Variants in RABGAP1L observed in about 807,000 individuals in gnomAD.
RABGAP1L encodes the protein RAB GTPase activating protein 1 like, also known as rab GTPase-activating protein 1-like.
In RABGAP1L, 63 loss-of-function variants were observed where a neutral mutation model predicts 137.7. The ratio of observed to expected loss-of-function variants is 0.46; its 90% CI spans 0.37 to 0.56. RABGAP1L has a LOEUF of 0.56. RABGAP1L is among the 20% of genes least tolerant of loss of function. The probability of loss-of-function intolerance (pLI) is 0.00; values close to 1 mark genes in which losing one functional copy is unlikely to be tolerated. For missense variants in RABGAP1L, 1,095 were observed against 1,244.0 expected, an observed-to-expected ratio of 0.88 and a Z score of 1.80; for synonymous variants, 431 against 433.7, an observed-to-expected ratio of 0.99 and a Z score of 0.08.
chr1:174,355,412 A>G (rs979631358), intron 11 of RABGAP1L, among the ~76,000 whole-genome samples: 3 of 145,302 alleles, frequency 2.1e-5, no homozygotes, highest in Non-Finnish European at 4.5e-5. Flanking sequence ...GAATTGAACA[A>G]TGAGAACACG....
intron 11 of RABGAP1L, among the ~76,000 whole-genome samples, chr1:174,306,770 A>T (rs1572007089): frequency 6.6e-6 from 1 of 152,288 alleles, no homozygotes; most frequent in East Asian, 1.9e-4. Context: ...CTGACCTCAC[A>T]AAAAGCACAT....
chr1:174,610,956 C>T (rs932103230), intron 13 of RABGAP1L, among the ~76,000 whole-genome samples: 1 of 151,346 alleles, frequency 6.6e-6, no homozygotes, highest in African/African-American at 2.4e-5. Flanking sequence ...TGGATATTAG[C>T]CCTTTGTCAG....
At chr1:174,790,094 C>G (rs1687736587) in intron 18 of RABGAP1L, among the ~76,000 whole-genome samples, 1 of 151,668 alleles carries the variant, frequency 6.6e-6, no homozygotes, top group Non-Finnish European at 1.5e-5. Context: ...CCTGTGGTTC[C>G]AGCTGCACAG....
At chr1:174,875,851 T>A in intron 19 of RABGAP1L, 1 of 355,730 alleles carries the variant, frequency 2.8e-6, no homozygotes. Context: ...AGCAGCACTG[T>A]AGAACAAAAA....
intron 3 of RABGAP1L, among the ~76,000 whole-genome samples, chr1:174,225,169 A>G (rs1468530602): frequency 1.3e-5 from 2 of 151,426 alleles, no homozygotes; most frequent in African/African-American, 4.9e-5. Context: ...TACTTTGTTA[A>G]TCTCCATTCT....
intron 19 of RABGAP1L, among the ~76,000 whole-genome samples, chr1:174,918,738 C>T (rs898979756): frequency 2.0e-5 from 3 of 151,934 alleles, no homozygotes; most frequent in African/African-American, 7.3e-5. Context: ...AATTGTGCCA[C>T]TGCGCTTCAT....
intron 19 of RABGAP1L, among the ~76,000 whole-genome samples, chr1:174,886,840 G>T (rs993113393): frequency 1.1e-4 from 16 of 150,988 alleles, no homozygotes; most frequent in African/African-American, 3.7e-4. Context: ...TTTGAGACAG[G>T]GTCTCATTCT....
intron 13 of RABGAP1L, among the ~76,000 whole-genome samples, chr1:174,525,890 C>A (rs772495611): frequency 6.6e-6 from 1 of 152,036 alleles, no homozygotes; most frequent in Non-Finnish European, 1.5e-5. Flanking sequence ...TTGAAATGAT[C>A]GTATGGTTTT....
rs149471541 is a variant in RABGAP1L, at chr1:174,944,959, C to T, written c.2341-12498C>T. Among the ~76,000 whole-genome samples, 139 of 152,250 alleles carry T rather than the reference C, an allele frequency of 9.1e-4. 1 individual carries two copies. The highest frequency in any genetic ancestry group is 1.6e-3 in the Non-Finnish European group (111 of 68,028). On this transcript the variant is annotated intron_variant, in intron 19 of 25. Transcript: ENST00000681986. ...TTACTTTTGATCTAATTGCCAGCGA[C>T]AATTGACATAAAAGTAATGCTTCAG... is the stretch of plus-strand genomic sequence containing the variant.
At position 174,515,117 on chromosome 1, in the gene RABGAP1L, G is replaced by A. The variant is rs578066929; in HGVS notation, c.1710+120972G>A. Among the ~76,000 whole-genome samples, 3 of 152,016 alleles carry A rather than the reference G, an allele frequency of 2.0e-5. No homozygotes were observed. The East Asian group carries it at 5.8e-4, about 29-fold the overall frequency. On this transcript the variant is annotated intron_variant, in intron 13 of 25. Coordinates refer to ENST00000681986, the MANE Select transcript of RABGAP1L (RefSeq NM_001366446.1). Reference sequence around the variant, plus strand: ...AAATTCTCTTAGCAATTTTCAATGCGTTGTTATTTACTATAGTCATGGTTT... The same window carrying A: ...AAATTCTCTTAGCAATTTTCAATGCATTGTTATTTACTATAGTCATGGTTT...
intron 13 of RABGAP1L, among the ~76,000 whole-genome samples, chr1:174,501,713 T>G (rs1055697952): frequency 3.3e-5 from 5 of 152,314 alleles, no homozygotes; most frequent in African/African-American, 9.6e-5. Flanking sequence ...TTTAAAGAGA[T>G]AGTATCTTTT....
intron 13 of RABGAP1L, among the ~76,000 whole-genome samples, chr1:174,566,791 T>C (rs1667614616): frequency 6.6e-6 from 1 of 152,116 alleles, no homozygotes; most frequent in South Asian, 2.1e-4. Flanking sequence ...AAGGCCTGGT[T>C]AGTGGATTTA....
intron 13 of RABGAP1L, among the ~76,000 whole-genome samples, chr1:174,572,781 G>C (rs2148055026): frequency 6.6e-6 from 1 of 152,288 alleles, no homozygotes; most frequent in South Asian, 2.1e-4. Flanking sequence ...GATGCACTAA[G>C]TTGAAACTTG....
intron 19 of RABGAP1L, among the ~76,000 whole-genome samples, chr1:174,927,921 T>C (rs1458883828): frequency 6.6e-6 from 1 of 152,202 alleles, no homozygotes; most frequent in Non-Finnish European, 1.5e-5. Context: ...ATTTTCAATA[T>C]TGTCGTTGCC....
intron 19 of RABGAP1L, among the ~76,000 whole-genome samples, chr1:174,889,340 T>A (rs1343798885): frequency 6.6e-6 from 1 of 152,048 alleles, no homozygotes; most frequent in Non-Finnish European, 1.5e-5. Flanking sequence ...GGCAGGCTGG[T>A]CTCGAACTGT....
At chr1:174,407,208 A>C (rs1359178377) in intron 13 of RABGAP1L, among the ~76,000 whole-genome samples, 1 of 151,930 alleles carries the variant, frequency 6.6e-6, no homozygotes, top group East Asian at 1.9e-4. Flanking sequence ...ATTTCTGCAC[A>C]TGTTTTGGTC....
intron 2 of RABGAP1L, among the ~76,000 whole-genome samples, chr1:174,219,672 A>G (rs1174755207): frequency 1.3e-5 from 2 of 152,142 alleles, no homozygotes; most frequent in Non-Finnish European, 2.9e-5. Context: ...TATGATTTTT[A>G]TGTTTTAAAT....
chr1:174,812,110 A>T, intron 19 of RABGAP1L, 150 bp downstream of exon 19: 1 of 737,316 alleles, frequency 1.4e-6, no homozygotes, highest in Non-Finnish European at 2.0e-6. Flanking sequence ...TGTGTTTGTC[A>T]GGCTAATGTG....
chr1:174,734,700 A>G (rs529734652), intron 17 of RABGAP1L, among the ~76,000 whole-genome samples: 106 of 152,294 alleles, frequency 7.0e-4, no homozygotes, highest in Non-Finnish European at 1.2e-3. Context: ...TTCCACTGGG[A>G]CCATGTGCCA....
Sources: allele counts gnomAD v4.1 joint callset (sites outside exome capture counted in the v4.1 genomes callset), GRCh38; gene constraint gnomAD v4.1.1; transcripts MANE v1.5; gene names NCBI Gene and HGNC (gene_info 2026-07-23, HGNC 2026-07-21).